DLGAP2: variants seen among roughly 807,000 people sequenced by gnomAD.
DLGAP2 encodes DLG associated protein 2.
DLGAP2 carries 26 observed loss-of-function variants against 100.3 expected under a neutral mutation model. The observed-to-expected ratio is 0.26, with a 90% CI of 0.19 to 0.36. The LOEUF (loss-of-function observed/expected upper bound fraction) is 0.36. Among genes scored for constraint, DLGAP2 ranks in the 10% least tolerant of loss-of-function variants. DLGAP2 has a pLI of 1.00. For synonymous variants in DLGAP2, 886 were observed against 630.1 expected (o/e 1.41, Z -6.08); for missense variants, 1,858 against 1,453.2 (o/e 1.28, Z -4.53).
At chr8:1,284,893 C>T (rs778593605) in intron 3 of DLGAP2, among the ~76,000 whole-genome samples, 1 of 152,222 alleles carries the variant, frequency 6.6e-6, no homozygotes, top group Non-Finnish European at 1.5e-5. Flanking sequence ...CTTCTTTTCT[C>T]CTCATTCTTG....
At chr8:985,849 C>A (rs1563129104) in intron 2 of DLGAP2, among the ~76,000 whole-genome samples, 1 of 152,158 alleles carries the variant, frequency 6.6e-6, no homozygotes, top group Non-Finnish European at 1.5e-5. Flanking sequence ...ACAGGAGCTG[C>A]CCATTTGCTC....
intron 7 of DLGAP2, among the ~76,000 whole-genome samples, chr8:1,628,770 G>C (rs1018122424): frequency 1.4e-5 from 2 of 145,626 alleles, no homozygotes; most frequent in African/African-American, 5.1e-5. Flanking sequence ...GTGGAGCAGG[G>C]ATTAAGAGCC....
chr8:1,164,263 C>CGT (rs1796963583), intron 2 of DLGAP2, among the ~76,000 whole-genome samples: 1 of 70,764 alleles, frequency 1.4e-5, no homozygotes, highest in African/African-American at 5.6e-5. Context: ...CCCCAGGGCC[C>CGT]CTCGTTTTGG....
At chr8:1,046,947 T>TTTG (rs1802533365) in intron 2 of DLGAP2, among the ~76,000 whole-genome samples, 1 of 98,476 alleles carries the variant, frequency 1.0e-5, no homozygotes, top group Non-Finnish European at 2.3e-5. Flanking sequence ...TTTTGTTGTT[T>TTTG]TATTAAAATA....
chr8:1,489,924 C>T (rs1195189044), intron 3 of DLGAP2, among the ~76,000 whole-genome samples: 1 of 152,116 alleles, frequency 6.6e-6, no homozygotes, highest in East Asian at 1.9e-4. Context: ...TGGAGTCTCA[C>T]TCTGTCTCCC....
chr8:1,038,090 CTGTGTGTGTTAAG>C (rs1171259061), intron 2 of DLGAP2, among the ~76,000 whole-genome samples: 1 of 152,174 alleles, frequency 6.6e-6, no homozygotes, highest in African/African-American at 2.4e-5. Context: ...TGTAGGTAGG[CTGTGTGTGTTAAG>C]TGTGTGTGTT....
At chr8:1,053,228 T>C (rs892473800) in intron 2 of DLGAP2, among the ~76,000 whole-genome samples, 5 of 152,212 alleles carry the variant, frequency 3.3e-5, no homozygotes, top group Non-Finnish European at 5.9e-5. Flanking sequence ...ACCTTCTCTC[T>C]CCTGGTGACT....
At chr8:1,691,721 C>A in intron 13 of DLGAP2, 95 bp downstream of exon 13, 1 of 1,095,904 alleles carries the variant, frequency 9.1e-7, no homozygotes, top group Non-Finnish European at 1.3e-6. Flanking sequence ...TCAAAGAGTT[C>A]CCATCGGTAT....
At chr8:845,508 GTTAT>G (rs1489500223) in intron 1 of DLGAP2, among the ~76,000 whole-genome samples, 1 of 152,098 alleles carries the variant, frequency 6.6e-6, no homozygotes, top group Non-Finnish European at 1.5e-5. Flanking sequence ...TTTAAACTAG[GTTAT>G]TTGTCTATTA....
At chr8:1,441,321 A>G (rs1343283212) in intron 3 of DLGAP2, among the ~76,000 whole-genome samples, 1 of 152,164 alleles carries the variant, frequency 6.6e-6, no homozygotes, top group Non-Finnish European at 1.5e-5. Flanking sequence ...TTCTTAAATA[A>G]TAGAAATGTC....
intron 3 of DLGAP2, among the ~76,000 whole-genome samples, chr8:1,264,447 G>A (rs1799412134): frequency 1.3e-5 from 2 of 152,158 alleles, no homozygotes; most frequent in Non-Finnish European, 2.9e-5. Flanking sequence ...CGCACATCCA[G>A]GGCCATGGAT....
intron 2 of DLGAP2, among the ~76,000 whole-genome samples, chr8:1,125,525 C>G (rs2129048257): frequency 6.6e-6 from 1 of 152,210 alleles, no homozygotes; most frequent in Middle Eastern, 3.4e-3. Flanking sequence ...TTATATCATG[C>G]AGATGAAAAC....
intron 2 of DLGAP2, among the ~76,000 whole-genome samples, chr8:1,133,929 A>G (rs1796349130): frequency 6.6e-6 from 1 of 151,986 alleles, no homozygotes; most frequent in African/African-American, 2.4e-5. Flanking sequence ...TTGTGATACA[A>G]ATTGTTTCCT....
chr8:1,083,838 A>G (rs371082641), intron 2 of DLGAP2, among the ~76,000 whole-genome samples: 20 of 152,342 alleles, frequency 1.3e-4, no homozygotes, highest in African/African-American at 4.1e-4. Context: ...TTGCACCACA[A>G]TGAATTTTTT....
intron 3 of DLGAP2, among the ~76,000 whole-genome samples, chr8:1,379,206 C>T (rs1796033489): frequency 6.6e-6 from 1 of 152,274 alleles, no homozygotes; most frequent in Admixed American, 6.5e-5. Flanking sequence ...CAGCCCGAGT[C>T]CTCCTGCCTT....
intron 4 of DLGAP2, among the ~76,000 whole-genome samples, chr8:1,508,821 A>T (rs1224254025): frequency 1.3e-5 from 2 of 151,684 alleles, no homozygotes; most frequent in Non-Finnish European, 2.9e-5. Flanking sequence ...GACGGGGAAG[A>T]CGGGGCCAGG....
chr8:1,117,117 A>C (rs1411162956), intron 2 of DLGAP2, among the ~76,000 whole-genome samples: 1 of 152,322 alleles, frequency 6.6e-6, no homozygotes, highest in South Asian at 2.1e-4. Context: ...CCCAGCATCA[A>C]GAAGAGGTTT....
rs760608961 is a variant in DLGAP2, at chr8:1,668,298, C to T, written c.1811-31C>T. On this transcript the variant is annotated intron_variant, in intron 8 of 14. Coordinates refer to ENST00000637795, the MANE Select transcript of DLGAP2 (RefSeq NM_001346810.2). Reference sequence around the variant, plus strand: ...CCACAGGCTGACGGGGAAGAACACGCCTGTTGACTTGGGACTTTCTTTTCT... The same window carrying T: ...CCACAGGCTGACGGGGAAGAACACGTCTGTTGACTTGGGACTTTCTTTTCT... 15 of 1,453,554 alleles carry T rather than the reference C, an allele frequency of 1.0e-5. No individual in the cohort carries two copies. In the South Asian group the frequency reaches 2.2e-4, roughly 21 times the overall value. The allele number at this position is 1,453,554 out of a possible 1,614,324, so 90.0% of individuals were successfully genotyped here.
intron 2 of DLGAP2, among the ~76,000 whole-genome samples, chr8:1,040,462 C>G (rs1273458089): frequency 1.3e-5 from 2 of 149,142 alleles, no homozygotes; most frequent in East Asian, 2.0e-4. Context: ...CCGTGGTCGT[C>G]TCGGTGTGCA....
Sources: allele counts gnomAD v4.1 joint callset (sites outside exome capture counted in the v4.1 genomes callset), GRCh38; gene constraint gnomAD v4.1.1; transcripts MANE v1.5; gene names NCBI Gene and HGNC (gene_info 2026-07-23, HGNC 2026-07-21).